Variants in COL5A2 observed in about 807,000 individuals in gnomAD.
COL5A2 encodes collagen alpha-2(V) chain.
A neutral mutation model predicts 208.2 loss-of-function variants in COL5A2; 23 were observed. The observed-to-expected ratio is 0.11, with a 90% CI of 0.08 to 0.16. The LOEUF is 0.16. COL5A2 is among the 10% of genes least tolerant of loss of function. The pLI, the probability that COL5A2 is intolerant of heterozygous loss-of-function variation, is 1.00. For missense variants in COL5A2, 1,590 were observed against 1,956.4 expected (o/e 0.81, Z 3.53); for synonymous variants, 625 against 628.5 (o/e 0.99, Z 0.08).
At chr2:189,359,834 A>G in the COL5A2 span, among the ~76,000 whole-genome samples, 18 of 152,204 alleles carry the variant, frequency 1.2e-4, no homozygotes, top group South Asian at 6.2e-4. Flanking sequence ...ATTTGTTAGT[A>G]GGTTTTACAA....
At chr2:189,291,748 T>C in the COL5A2 span, among the ~76,000 whole-genome samples, 1 of 152,036 alleles carries the variant, frequency 6.6e-6, no homozygotes, top group Non-Finnish European at 1.5e-5. Context: ...TCTCATTTTA[T>C]ACTACTGAAA....
the COL5A2 span, among the ~76,000 whole-genome samples, chr2:189,259,844 G>A: frequency 2.0e-5 from 3 of 152,114 alleles, no homozygotes; most frequent in African/African-American, 7.2e-5. Flanking sequence ...AGCCAACTAA[G>A]TTTAAGAAGC....
intron 44 of COL5A2, among the ~76,000 whole-genome samples, chr2:189,048,698 A>AT (rs1355933728): frequency 1.3e-5 from 2 of 152,050 alleles, no homozygotes; most frequent in South Asian, 2.1e-4. Context: ...TTTTATTGTG[A>AT]TTTTTTTCAT....
chr2:189,052,900 T>C lies in COL5A2; in HGVS notation c.2661+11A>G, dbSNP rs776365345. On this transcript the variant is annotated intron_variant, in intron 39 of 53. Transcript: ENST00000374866. ...CTTGACTCAAGTTATGCCTTTTTCT[T>C]GTTAACTTACATGAGGGCCAGGGGA... The C allele has an allele frequency of 3.7e-6, 6 of 1,613,638 alleles. No homozygotes were observed. In the South Asian group the frequency reaches 4.4e-5, roughly 12 times the overall value.
At chr2:189,051,099 T>A (rs1226339772) in intron 42 of COL5A2, among the ~76,000 whole-genome samples, 1 of 152,094 alleles carries the variant, frequency 6.6e-6, no homozygotes, top group African/African-American at 2.4e-5. Flanking sequence ...AACAAATAAT[T>A]TTTTTGGGTT....
At chr2:189,273,680 A>G in the COL5A2 span, among the ~76,000 whole-genome samples, 1 of 152,148 alleles carries the variant, frequency 6.6e-6, no homozygotes, top group African/African-American at 2.4e-5. Flanking sequence ...CCCTAAAAAG[A>G]GAAGAGAATC....
At chr2:189,236,108 T>G in the COL5A2 span, among the ~76,000 whole-genome samples, 1 of 151,890 alleles carries the variant, frequency 6.6e-6, no homozygotes, top group African/African-American at 2.4e-5. Flanking sequence ...AAGTGTGTCC[T>G]GTGCGATTAA....
the COL5A2 span, among the ~76,000 whole-genome samples, chr2:189,403,172 G>T: frequency 6.6e-6 from 1 of 152,162 alleles, no homozygotes. Context: ...TTTTGTGGCA[G>T]TTGTGAATGG....
At chr2:189,311,555 T>C in the COL5A2 span, 12 of 1,258,930 alleles carry the variant, frequency 9.5e-6, no homozygotes, top group South Asian at 1.1e-4. Flanking sequence ...CTCCATCTGC[T>C]GGGCGTAGTG....
intron 1 of COL5A2, among the ~76,000 whole-genome samples, chr2:189,175,569 A>G (rs1257884250): frequency 3.5e-5 from 5 of 141,856 alleles, no homozygotes; most frequent in Non-Finnish European, 6.1e-5. Context: ...TTTTAGACAG[A>G]GTCTCACTCT....
intron 1 of COL5A2, among the ~76,000 whole-genome samples, chr2:189,139,628 A>G (rs988070041): frequency 6.6e-6 from 1 of 152,234 alleles, no homozygotes; most frequent in Non-Finnish European, 1.5e-5. Context: ...ACTCTAGTTA[A>G]TAGTAAAATA....
At chr2:189,107,547 A>AT (rs1392444515) in intron 2 of COL5A2, among the ~76,000 whole-genome samples, 1 of 150,240 alleles carries the variant, frequency 6.7e-6, no homozygotes, top group African/African-American at 2.4e-5. Context: ...TATCTTTACA[A>AT]TTTTTTTCTT....
At chr2:189,072,119 T>G in intron 17 of COL5A2, 26 bp from the exon 18 acceptor site, 1 of 1,552,586 alleles carries the variant, frequency 6.4e-7, no homozygotes, top group Non-Finnish European at 8.9e-7. Context: ...AGAAAAGTAA[T>G]CAGACATGTA....
At chr2:189,350,965 A>ATT in the COL5A2 span, among the ~76,000 whole-genome samples, 1 of 152,202 alleles carries the variant, frequency 6.6e-6, no homozygotes, top group Non-Finnish European at 1.5e-5. Context: ...ATGTCTCAGA[A>ATT]AAACTCACAA....
chr2:189,185,353 T>C (rs1447877575), intron 1 of COL5A2, among the ~76,000 whole-genome samples: 3 of 152,142 alleles, frequency 2.0e-5, no homozygotes, highest in Non-Finnish European at 4.4e-5. Flanking sequence ...AAGATCTGTA[T>C]GGCATGTAAG....
chr2:189,359,181 T>C, the COL5A2 span, among the ~76,000 whole-genome samples: 8 of 152,326 alleles, frequency 5.3e-5, 1 homozygote, highest in South Asian at 1.0e-3. Flanking sequence ...TTTTTCACCA[T>C]TGAGTATGAT....
intron 1 of COL5A2, among the ~76,000 whole-genome samples, chr2:189,137,912 T>C (rs2105766104): frequency 6.6e-6 from 1 of 152,314 alleles, no homozygotes; most frequent in African/African-American, 2.4e-5. Flanking sequence ...TAATAGTTTT[T>C]CAAAGCACTG....
chr2:189,398,789 ATTG>A, the COL5A2 span, among the ~76,000 whole-genome samples: 1 of 151,898 alleles, frequency 6.6e-6, no homozygotes, highest in South Asian at 2.1e-4. Flanking sequence ...CATCTATACT[ATTG>A]TTTTCTTTTT....
At chr2:189,426,831 C>T in the COL5A2 span, among the ~76,000 whole-genome samples, 1 of 152,210 alleles carries the variant, frequency 6.6e-6, no homozygotes, top group African/African-American at 2.4e-5. Flanking sequence ...CAAGATGTGA[C>T]CTGGCTACCT....
Sources: allele counts gnomAD v4.1 joint callset (sites outside exome capture counted in the v4.1 genomes callset), GRCh38; gene constraint gnomAD v4.1.1; transcripts MANE v1.5; gene names NCBI Gene and HGNC (gene_info 2026-07-23, HGNC 2026-07-21).